The following GABRG3 variants were observed in gnomAD, a reference collection of about 807,000 sequenced individuals.
GABRG3 encodes the protein gamma-aminobutyric acid type A receptor subunit gamma3.
GABRG3 carries 25 observed loss-of-function variants against 48.8 expected under a neutral mutation model. The observed-to-expected ratio is 0.51, with a 90% confidence interval of 0.37 to 0.72. GABRG3 has a LOEUF of 0.72. Ranked by LOEUF, GABRG3 falls within the 30% of genes least tolerant of loss-of-function variation. The pLI, the probability that GABRG3 is intolerant of heterozygous loss-of-function variation, is 0.00. For missense variants in GABRG3, 394 were observed against 577.9 expected (o/e 0.68, Z 3.26); for synonymous variants, 227 against 217.6 (o/e 1.04, Z -0.38).
chr15:27,308,857 C>A (rs562259291), intron 3 of GABRG3, among the ~76,000 whole-genome samples: 1 of 149,794 alleles, frequency 6.7e-6, no homozygotes, highest in East Asian at 2.1e-4. Flanking sequence ...AGAATGTAAA[C>A]ATATATGTTT....
intron 5 of GABRG3, among the ~76,000 whole-genome samples, chr15:27,388,165 A>T (rs1420316576): frequency 1.2e-5 from 1 of 82,750 alleles, no homozygotes; most frequent in Non-Finnish European, 2.3e-5. Context: ...GAAGAAAGGA[A>T]GGAAGGAAGG....
At chr15:27,490,609 T>C (rs1279086389) in intron 6 of GABRG3, among the ~76,000 whole-genome samples, 1 of 152,214 alleles carries the variant, frequency 6.6e-6, no homozygotes, top group African/African-American at 2.4e-5. Flanking sequence ...GTGCGTTTCC[T>C]CTTTGTCCAA....
At chr15:27,161,326 A>C (rs1437836747) in intron 3 of GABRG3, 1 of 152,166 alleles carries the variant, frequency 6.6e-6, no homozygotes, top group Non-Finnish European at 1.5e-5. Context: ...CACTGTAGGC[A>C]TTGATGTCAC....
intron 3 of GABRG3, among the ~76,000 whole-genome samples, chr15:27,169,515 G>A (rs549648978): frequency 1.3e-5 from 2 of 152,140 alleles, no homozygotes; most frequent in South Asian, 4.1e-4. Flanking sequence ...AAAGCTATGG[G>A]AACCATCTGA....
At chr15:27,027,444 G>A (rs1279536680) in intron 3 of GABRG3, among the ~76,000 whole-genome samples, 2 of 152,234 alleles carry the variant, frequency 1.3e-5, no homozygotes, top group African/African-American at 4.8e-5. Context: ...CGCCTGCGGA[G>A]GTCCTGCCTG....
At chr15:27,348,686 G>A (rs1191672540) in intron 5 of GABRG3, among the ~76,000 whole-genome samples, 1 of 152,046 alleles carries the variant, frequency 6.6e-6, no homozygotes, top group Admixed American at 6.5e-5. Context: ...CATGACAAGG[G>A]AAATAAAATT....
chr15:27,531,194 A>G (rs1891415329), intron 9 of GABRG3, among the ~76,000 whole-genome samples: 1 of 152,134 alleles, frequency 6.6e-6, no homozygotes, highest in African/African-American at 2.4e-5. Context: ...GGAGCAAGCA[A>G]CACCCTGTGA....
chr15:27,531,225 T>C (rs890419641), intron 9 of GABRG3, among the ~76,000 whole-genome samples: 2 of 152,176 alleles, frequency 1.3e-5, no homozygotes, highest in Admixed American at 1.3e-4. Context: ...CAGGCCATCC[T>C]GCTAATTTAG....
chr15:27,525,212 A>C (rs568853246), intron 7 of GABRG3, among the ~76,000 whole-genome samples: 7 of 151,668 alleles, frequency 4.6e-5, no homozygotes, highest in Non-Finnish European at 1.0e-4. Flanking sequence ...AAAATGTGTT[A>C]TTTTAGTTTG....
intron 3 of GABRG3, among the ~76,000 whole-genome samples, chr15:27,155,219 T>C (rs1433410280): frequency 6.6e-6 from 1 of 152,200 alleles, no homozygotes; most frequent in African/African-American, 2.4e-5. Flanking sequence ...AATTTTTTAG[T>C]GCTAAGATTT....
intron 3 of GABRG3, among the ~76,000 whole-genome samples, chr15:27,233,368 CT>C (rs1889858013): frequency 6.6e-6 from 1 of 152,118 alleles, no homozygotes; most frequent in Admixed American, 6.6e-5. Context: ...TACCTTGTCC[CT>C]GGAGTGGAAG....
chr15:27,246,758 C>T (rs11857892), intron 3 of GABRG3, among the ~76,000 whole-genome samples: 45,260 of 152,000 alleles, frequency 0.3, 10,183 homozygotes, highest in African/African-American at 0.62. Flanking sequence ...ATCTGATTAT[C>T]AAGCAGTAAC....
chr15:27,224,113 C>T (rs1889536863), intron 3 of GABRG3, among the ~76,000 whole-genome samples: 1 of 152,192 alleles, frequency 6.6e-6, no homozygotes, highest in Admixed American at 6.5e-5. Flanking sequence ...ACTGAGCTCC[C>T]AGTGGCCTCC....
Position 27,205,349 on chromosome 15 carries a change from A to G in GABRG3, c.271-121460A>G, listed in dbSNP as rs1888818306. On this transcript the variant is annotated intron_variant, in intron 3 of 9. Coordinates refer to ENST00000615808, the MANE Select transcript of GABRG3 (RefSeq NM_033223.5). The stretch of plus-strand genomic sequence containing the variant: ...TGTTTTTAGTTCTGTTTATGTGATG[A>G]ATCACATTTATTGATTTGCATATGT... 2.6e-5 allele frequency among the ~76,000 whole-genome samples: 4 copies of G among 152,174 alleles called. No homozygotes were observed. In the South Asian group the frequency reaches 8.3e-4, roughly 32 times the overall value.
At chr15:27,049,414 G>T (rs748855293) in intron 3 of GABRG3, among the ~76,000 whole-genome samples, 1 of 152,198 alleles carries the variant, frequency 6.6e-6, no homozygotes, top group Non-Finnish European at 1.5e-5. Flanking sequence ...CACACTGTTT[G>T]TATTAGTTTC....
chr15:27,288,745 GT>G (rs2140484879), intron 3 of GABRG3, among the ~76,000 whole-genome samples: 1 of 151,396 alleles, frequency 6.6e-6, no homozygotes, highest in African/African-American at 2.4e-5. Context: ...AGAGGAAAAA[GT>G]TAAAATATTA....
chr15:27,168,357 G>A (rs1331347040), intron 3 of GABRG3, among the ~76,000 whole-genome samples: 1 of 151,576 alleles, frequency 6.6e-6, no homozygotes, highest in Non-Finnish European at 1.5e-5. Flanking sequence ...GCAGGCAGTC[G>A]CCCCACACAT....
chr15:27,377,399 G>A (rs1004127471), intron 5 of GABRG3, among the ~76,000 whole-genome samples: 2 of 152,038 alleles, frequency 1.3e-5, no homozygotes, highest in African/African-American at 2.4e-5. Flanking sequence ...TTACTGTTTA[G>A]TCAGTTTTCA....
At chr15:27,305,394 C>G (rs951934558) in intron 3 of GABRG3, among the ~76,000 whole-genome samples, 5 of 150,684 alleles carry the variant, frequency 3.3e-5, no homozygotes, top group Admixed American at 6.7e-5. Flanking sequence ...GTCATACTGT[C>G]TTCAAGGAAT....
Sources: allele counts gnomAD v4.1 joint callset (sites outside exome capture counted in the v4.1 genomes callset), GRCh38; gene constraint gnomAD v4.1.1; transcripts MANE v1.5; gene names NCBI Gene and HGNC (gene_info 2026-07-23, HGNC 2026-07-21).